Variants in NRCAM observed in about 807,000 individuals in gnomAD.
NRCAM encodes the protein neuronal cell adhesion molecule, also known as NgCAM-related cell adhesion molecule.
A neutral mutation model predicts 156.5 loss-of-function variants in NRCAM; 83 were observed. The observed-to-expected ratio is 0.53, with a 90% confidence interval of 0.44 to 0.64. The LOEUF is 0.64. Among genes scored for constraint, NRCAM ranks in the 30% least tolerant of loss-of-function variants. The probability of loss-of-function intolerance (pLI) is 0.00; values close to 1 mark genes in which losing one functional copy is unlikely to be tolerated. For missense variants in NRCAM, 1,417 were observed against 1,597.3 expected (o/e 0.89, Z 1.92); for synonymous variants, 538 against 563.9 (o/e 0.95, Z 0.65).
chr7:108,236,955 C>G lies in NRCAM; in HGVS notation c.124+797G>C, dbSNP rs367870765. ...ATTCACAGGTCTGCAGCAGAGCTGG[C>G]TCAGATGTCACTCCTAACTGCCAGG... On this transcript the variant is annotated intron_variant, in intron 5 of 32. Transcript: ENST00000379028. Among the ~76,000 whole-genome samples the G allele has an allele frequency of 2.2e-4, 34 of 152,276 alleles. 1 individual carries two copies. In the East Asian group the frequency reaches 6.6e-3, roughly 29 times the overall value.
At chr7:108,423,617 A>G (rs530055337) in intron 1 of NRCAM, among the ~76,000 whole-genome samples, 1 of 152,366 alleles carries the variant, frequency 6.6e-6, no homozygotes, top group Non-Finnish European at 1.5e-5. Context: ...TCGTTGCATA[A>G]GTCTATATTC....
rs559500860 is a variant in NRCAM, at chr7:108,148,705, G to A, written c.*1205C>T. The A allele has an allele frequency of 1.8e-4, 27 of 152,704 alleles. No homozygotes were observed. Among genetic ancestry groups the A allele is most frequent in the African/African-American group, 6.3e-4 (26 of 41,568 alleles). The allele number at this position is 152,704 out of a possible 1,614,324, so 9.5% of individuals were successfully genotyped here. On this transcript the variant is annotated 3_prime_UTR_variant, in exon 33 of 33. Transcript: ENST00000379028. The stretch of plus-strand genomic sequence containing the variant: ...GAACACTTACATAGGTAAAGTCTTG[G>A]AGAATAATATATTACTGTTGGCATG...
At chr7:108,343,208 T>C (rs1292237830) in intron 2 of NRCAM, among the ~76,000 whole-genome samples, 5 of 152,188 alleles carry the variant, frequency 3.3e-5, no homozygotes, top group African/African-American at 4.8e-5. Flanking sequence ...GCAGAACTAA[T>C]AGCCCTCATT....
intron 4 of NRCAM, among the ~76,000 whole-genome samples, chr7:108,239,108 G>A (rs570085856): frequency 1.3e-5 from 2 of 152,224 alleles, no homozygotes; most frequent in South Asian, 4.1e-4. Context: ...CTGAAGTACA[G>A]TAATTGTCCA....
intron 2 of NRCAM, among the ~76,000 whole-genome samples, chr7:108,393,879 G>C (rs561145162): frequency 4.6e-4 from 70 of 152,194 alleles, no homozygotes; most frequent in African/African-American, 1.6e-3. Flanking sequence ...CACGTATGGT[G>C]ATTGCTGCAG....
intron 3 of NRCAM, among the ~76,000 whole-genome samples, chr7:108,276,431 T>A (rs1459176570): frequency 6.6e-6 from 1 of 152,234 alleles, no homozygotes; most frequent in African/African-American, 2.4e-5. Context: ...ATTGGGTGCA[T>A]ATATATTTAG....
At chr7:108,228,767 C>G (rs901646399) in intron 8 of NRCAM, among the ~76,000 whole-genome samples, 2 of 152,098 alleles carry the variant, frequency 1.3e-5, no homozygotes, top group African/African-American at 4.8e-5. Flanking sequence ...CTTATTTTGG[C>G]AGTGGTATTC....
At chr7:108,446,199 A>G (rs17423119) in intron 1 of NRCAM, among the ~76,000 whole-genome samples, 37,484 of 152,132 alleles carry the variant, frequency 0.25, 4,939 homozygotes, top group Non-Finnish European at 0.29. Context: ...AGACCTCCGC[A>G]GCAGAAATTT....
At chr7:108,252,133 A>G (rs1388094633) in intron 3 of NRCAM, among the ~76,000 whole-genome samples, 1 of 152,192 alleles carries the variant, frequency 6.6e-6, no homozygotes, top group East Asian at 1.9e-4. Flanking sequence ...ACATCATTAG[A>G]GCTGGATAGA....
chr7:108,327,390 T>G (rs1000497022), intron 2 of NRCAM, among the ~76,000 whole-genome samples: 3 of 152,220 alleles, frequency 2.0e-5, no homozygotes, highest in Non-Finnish European at 4.4e-5. Context: ...CATCAGATTT[T>G]GTTACTGTTC....
chr7:108,254,992 T>C (rs374605037), intron 3 of NRCAM, among the ~76,000 whole-genome samples: 58 of 152,196 alleles, frequency 3.8e-4, no homozygotes, highest in East Asian at 2.1e-3. Flanking sequence ...TAATGAAAAA[T>C]TGTAAACAGA....
intron 2 of NRCAM, among the ~76,000 whole-genome samples, chr7:108,391,679 T>C (rs1411038526): frequency 6.6e-6 from 1 of 152,232 alleles, no homozygotes; most frequent in Non-Finnish European, 1.5e-5. Flanking sequence ...TTGATGGTCT[T>C]TACAATTTGG....
At chr7:108,375,189 G>A (rs1293754572) in intron 2 of NRCAM, among the ~76,000 whole-genome samples, 1 of 151,996 alleles carries the variant, frequency 6.6e-6, no homozygotes, top group Non-Finnish European at 1.5e-5. Context: ...TTTCCTCCTT[G>A]TAGTCCATGA....
chr7:108,158,697 T>C (rs758300573), intron 32 of NRCAM, among the ~76,000 whole-genome samples: 5 of 152,148 alleles, frequency 3.3e-5, no homozygotes, highest in Non-Finnish European at 5.9e-5. Context: ...ACAAAAGGTA[T>C]TTTAAAAAGG....
chr7:108,288,299 T>C (rs547361645), intron 3 of NRCAM, among the ~76,000 whole-genome samples: 7 of 152,204 alleles, frequency 4.6e-5, no homozygotes, highest in Admixed American at 1.3e-4. Flanking sequence ...ATGTTCACTA[T>C]TGGGGTGATG....
At chr7:108,427,357 G>A (rs569267781) in intron 1 of NRCAM, among the ~76,000 whole-genome samples, 48 of 152,296 alleles carry the variant, frequency 3.2e-4, no homozygotes, top group African/African-American at 1.1e-3. Context: ...CTGTGCCTCC[G>A]ACAAGGCTGT....
At chr7:108,263,925 A>G (rs572598311) in intron 3 of NRCAM, among the ~76,000 whole-genome samples, 1 of 152,368 alleles carries the variant, frequency 6.6e-6, no homozygotes, top group Non-Finnish European at 1.5e-5. Flanking sequence ...TTTAAAACAT[A>G]CCATAATATT....
chr7:108,210,717 T>C (rs1001120105), intron 11 of NRCAM, among the ~76,000 whole-genome samples: 23 of 152,218 alleles, frequency 1.5e-4, no homozygotes, highest in Non-Finnish European at 3.2e-4. Context: ...CTTGAACTAA[T>C]GACTTTAGAA....
intron 3 of NRCAM, among the ~76,000 whole-genome samples, chr7:108,310,673 TAA>T (rs1474927436): frequency 6.6e-6 from 1 of 152,244 alleles, no homozygotes; most frequent in African/African-American, 2.4e-5. Context: ...ATTCTGAGTA[TAA>T]GTGTGCTTTA....
Sources: allele counts gnomAD v4.1 joint callset (sites outside exome capture counted in the v4.1 genomes callset), GRCh38; gene constraint gnomAD v4.1.1; transcripts MANE v1.5; gene names NCBI Gene and HGNC (gene_info 2026-07-23, HGNC 2026-07-21).